The following ENTPD5 variants were observed in gnomAD, a reference collection of about 807,000 sequenced individuals.
ENTPD5 encodes the protein nucleoside diphosphate phosphatase ENTPD5.
In ENTPD5, 49 loss-of-function variants were observed where a neutral mutation model predicts 60.2. The ratio of observed to expected loss-of-function variants is 0.81; its 90% CI spans 0.65 to 1.03. The LOEUF (loss-of-function observed/expected upper bound fraction) is 1.03. ENTPD5 is among the 50% of genes least tolerant of loss of function. ENTPD5 has a pLI of 0.00. For missense variants in ENTPD5, 480 were observed against 507.6 expected, an observed-to-expected ratio of 0.95 and a Z score of 0.52; for synonymous variants, 187 against 185.4, an observed-to-expected ratio of 1.01 and a Z score of -0.07.
chr14:74,012,264 C>T (rs2058868341), intron 2 of ENTPD5, among the ~76,000 whole-genome samples: 3 of 149,336 alleles, frequency 2.0e-5, no homozygotes, highest in Admixed American at 2.0e-4. Flanking sequence ...ACCACCATCC[C>T]CGGCTAATTT....
intron 6 of ENTPD5, among the ~76,000 whole-genome samples, chr14:73,979,600 T>C (rs955899531): frequency 6.6e-6 from 1 of 151,650 alleles, no homozygotes; most frequent in South Asian, 2.1e-4. Context: ...GCCTCCCGAG[T>C]AGCTGGGACT....
At chr14:74,004,192 G>C (rs1409817989) in intron 3 of ENTPD5, among the ~76,000 whole-genome samples, 1 of 120,722 alleles carries the variant, frequency 8.3e-6, no homozygotes, top group African/African-American at 3.4e-5. Flanking sequence ...TTTTGAGACA[G>C]AGTCTCCCTC....
chr14:73,962,697 C>T (rs922111888), downstream of ENTPD5: 1 of 402,740 alleles, frequency 2.5e-6, no homozygotes, highest in South Asian at 3.4e-5. Context: ...CACCTGTAAT[C>T]CCAGCACTTT....
chr14:74,006,659 C>T (rs2058689230), intron 3 of ENTPD5, among the ~76,000 whole-genome samples: 1 of 151,146 alleles, frequency 6.6e-6, no homozygotes, highest in Non-Finnish European at 1.5e-5. Context: ...AGACACAGCT[C>T]ACTGCAACCT....
At chr14:74,004,853 A>G (rs1459348559) in intron 3 of ENTPD5, among the ~76,000 whole-genome samples, 1 of 152,124 alleles carries the variant, frequency 6.6e-6, no homozygotes, top group Non-Finnish European at 1.5e-5. Flanking sequence ...ACCCTGACGA[A>G]CTGTAAAAGG....
Position 73,988,152 on chromosome 14 carries a change from C to T in ENTPD5, c.-50G>A. 6.4e-7 allele frequency: 1 copy of T among 1,561,322 alleles called. No individual in the cohort carries two copies. Among genetic ancestry groups the T allele is most frequent in the South Asian group, 1.2e-5 (1 of 84,956 alleles). ...GGAGGCTTTTGTTGCAGAAGCAATC[C>T]TGCTCGCACACCTGCAGAGGCTTAT... is the stretch of plus-strand genomic sequence containing the variant. On this transcript the variant is annotated 5_prime_UTR_variant, in exon 4 of 16. Transcript: ENST00000334696.
intron 5 of ENTPD5, among the ~76,000 whole-genome samples, chr14:73,985,254 C>A (rs754373390): frequency 7.9e-5 from 12 of 152,130 alleles, no homozygotes; most frequent in Non-Finnish European, 1.8e-4. Flanking sequence ...TGGGTATATA[C>A]CGAGTAATGG....
chr14:73,990,792 G>A (rs1232864830), intron 3 of ENTPD5, among the ~76,000 whole-genome samples: 7 of 151,972 alleles, frequency 4.6e-5, no homozygotes, highest in Non-Finnish European at 1.0e-4. Flanking sequence ...ACTTTGGGAG[G>A]CCGAGGCAGG....
At position 73,987,959 on chromosome 14, in the gene ENTPD5, C is replaced by A; in HGVS notation, c.144G>T (p.Leu48Phe). Residue 48 changes from leucine (L) to phenylalanine (F), a missense_variant, in exon 4 of 16, where the codon TTG becomes TTT. Coordinates refer to ENST00000334696, the MANE Select transcript of ENTPD5 (RefSeq NM_001249.5). ...TCCCTGCATCAAACATAATTCCATA[C>A]AAGGTGCTGGCGCTGACATTGATGG... ...MCPINVSAST[L>F]YGIMFDAGST... is the part of the protein sequence containing the mutation. 6.2e-7 allele frequency: 1 copy of A among 1,614,140 alleles called. No individual in the cohort carries two copies. The highest frequency in any genetic ancestry group is 1.1e-5 in the South Asian group (1 of 91,076).
downstream of ENTPD5, chr14:73,960,774 A>G (rs1668792716): frequency 2.5e-6 from 1 of 398,464 alleles, no homozygotes; most frequent in Non-Finnish European, 4.4e-6. Context: ...AGACTGGAGG[A>G]GTTAAAAAGA....
intron 3 of ENTPD5, among the ~76,000 whole-genome samples, chr14:73,998,338 G>A (rs575723444): frequency 6.6e-6 from 1 of 152,208 alleles, no homozygotes; most frequent in East Asian, 1.9e-4. Flanking sequence ...AATACGAAGG[G>A]CGGTAGAAGC....
intron 3 of ENTPD5, among the ~76,000 whole-genome samples, chr14:74,008,137 G>GA (rs879352922): frequency 6.6e-5 from 10 of 150,814 alleles, no homozygotes; most frequent in Non-Finnish European, 7.4e-5. Context: ...CCCAGACAAA[G>GA]AAAAAAAAAA....
chr14:73,958,223 C>T (rs1404226423), downstream of ENTPD5: 1 of 1,614,050 alleles, frequency 6.2e-7, no homozygotes, highest in East Asian at 2.2e-5. Context: ...CCGACTCCAG[C>T]CCTTGGGTTC....
Position 73,977,329 on chromosome 14 carries a change from T to G in ENTPD5, c.487A>C (p.Ser163Arg). The change falls in exon 7 of 16, where the codon AGT (serine) becomes CGT (arginine). Residue 163 changes from serine (S) to arginine (R), a missense_variant. Transcript: ENST00000334696. ...TCGGATCCATCCATGATGCTAACAC[T>G]GCCCTTTGGTACCAGGAAAGGTGAC... ...RKSPFLVPKG[S>R]VSIMDGSDEG... The G allele has an allele frequency of 3.1e-6, 5 of 1,607,554 alleles. No individual in the cohort carries two copies. The highest frequency in any genetic ancestry group is 1.7e-4 in the Middle Eastern group (1 of 6,036).
chr14:73,978,563 T>C (rs1489358972), intron 6 of ENTPD5, among the ~76,000 whole-genome samples: 1 of 151,524 alleles, frequency 6.6e-6, no homozygotes, highest in Non-Finnish European at 1.5e-5. Flanking sequence ...ATCGCGCCAT[T>C]GCACTCTAGC....
chr14:74,011,589 G>GCCTATACTCCC (rs2058846817), intron 2 of ENTPD5, among the ~76,000 whole-genome samples: 2 of 152,068 alleles, frequency 1.3e-5, no homozygotes, highest in African/African-American at 2.4e-5. Context: ...TTGAGCTCAG[G>GCCTATACTCCC]AGTTTGTGAC....
At chr14:73,963,208 A>T, downstream of ENTPD5, 1 of 598,860 alleles carries the variant, frequency 1.7e-6, no homozygotes, top group South Asian at 2.3e-5. Flanking sequence ...CAAAGGAAAA[A>T]ACTTCGAAGG....
intron 2 of ENTPD5, among the ~76,000 whole-genome samples, chr14:74,012,191 G>A (rs1273805036): frequency 1.3e-5 from 2 of 151,910 alleles, no homozygotes; most frequent in Non-Finnish European, 2.9e-5. Context: ...TGCAACCTCC[G>A]CCTCCTGGGT....
chr14:73,993,263 G>A (rs889575865), intron 3 of ENTPD5, among the ~76,000 whole-genome samples: 9 of 152,114 alleles, frequency 5.9e-5, no homozygotes, highest in Non-Finnish European at 1.0e-4. Context: ...TCTGGATCCC[G>A]GGAAGTTGAG....
Sources: allele counts gnomAD v4.1 joint callset (sites outside exome capture counted in the v4.1 genomes callset), GRCh38; gene constraint gnomAD v4.1.1; transcripts MANE v1.5; gene names NCBI Gene and HGNC (gene_info 2026-07-23, HGNC 2026-07-21).